The following ARHGEF10 variants were observed in gnomAD, a reference collection of about 807,000 sequenced individuals.
ARHGEF10 encodes Rho guanine nucleotide exchange factor (GEF) 10.
ARHGEF10 carries 140 observed loss-of-function variants against 147.4 expected under a neutral mutation model. The ratio of observed to expected loss-of-function variants is 0.95; its 90% CI spans 0.83 to 1.09. ARHGEF10 has a LOEUF of 1.09. Among genes scored for constraint, ARHGEF10 ranks in the 50% least tolerant of loss-of-function variants. The pLI, the probability that ARHGEF10 is intolerant of heterozygous loss-of-function variation, is 0.00. For missense variants in ARHGEF10, 2,222 were observed against 1,752.7 expected (o/e 1.27, Z -4.78); for synonymous variants, 902 against 695.8 (o/e 1.30, Z -4.67).
chr8:1,920,988 G>A (rs1322027967), intron 18 of ARHGEF10, among the ~76,000 whole-genome samples: 1 of 152,182 alleles, frequency 6.6e-6, no homozygotes, highest in Non-Finnish European at 1.5e-5. Context: ...GTTTCTCCAT[G>A]TTGATCAGGC....
chr8:1,901,890 TA>T (rs1468487512), intron 15 of ARHGEF10, among the ~76,000 whole-genome samples: 1 of 152,174 alleles, frequency 6.6e-6, no homozygotes, highest in African/African-American at 2.4e-5. Flanking sequence ...TTCCAGATTT[TA>T]AAAAAAGGTT....
At chr8:1,932,734 A>G (rs1356916488) in intron 25 of ARHGEF10, among the ~76,000 whole-genome samples, 1 of 152,260 alleles carries the variant, frequency 6.6e-6, no homozygotes, top group Non-Finnish European at 1.5e-5. Flanking sequence ...CAGAGCTTGC[A>G]TAGTTGCCTT....
intron 26 of ARHGEF10, among the ~76,000 whole-genome samples, chr8:1,935,639 G>A (rs1430255050): frequency 1.3e-5 from 2 of 152,204 alleles, no homozygotes; most frequent in Admixed American, 6.5e-5. Flanking sequence ...GGCTCATAAC[G>A]TCTTCCTGGC....
chr8:1,841,162 C>G (rs1481832721), intron 1 of ARHGEF10, among the ~76,000 whole-genome samples: 1 of 152,122 alleles, frequency 6.6e-6, no homozygotes, highest in East Asian at 1.9e-4. Context: ...GGGTGAGTGT[C>G]TCAAGTCTCC....
At chr8:1,847,363 G>A (rs879414696) in intron 2 of ARHGEF10, among the ~76,000 whole-genome samples, 1 of 152,232 alleles carries the variant, frequency 6.6e-6, no homozygotes, top group Admixed American at 6.5e-5. Flanking sequence ...TTCAGAAGAT[G>A]ATCTGGGATT....
At chr8:1,863,761 C>T (rs765342910) in intron 4 of ARHGEF10, among the ~76,000 whole-genome samples, 48 of 152,186 alleles carry the variant, frequency 3.2e-4, no homozygotes, top group Non-Finnish European at 5.7e-4. Context: ...ACCTGCACTG[C>T]GGCTTTGCTC....
chr8:1,850,169 G>C (rs143086999), intron 2 of ARHGEF10, among the ~76,000 whole-genome samples: 3,938 of 94,518 alleles, frequency 0.042, 270 homozygotes, highest in Non-Finnish European at 0.065. Flanking sequence ...TGGACACAGA[G>C]GGCAAATGCT....
chr8:1,869,589 T>A, intron 7 of ARHGEF10: 1 of 438,210 alleles, frequency 2.3e-6, no homozygotes, highest in Non-Finnish European at 4.2e-6. Context: ...GTAGAGAGAA[T>A]CAGGCAAAGG....
intron 28 of ARHGEF10, among the ~76,000 whole-genome samples, chr8:1,956,134 A>G (rs895664753): frequency 6.6e-6 from 1 of 152,264 alleles, no homozygotes; most frequent in Non-Finnish European, 1.5e-5. Context: ...TGATGCTTAC[A>G]GAATCAGTGT....
chr8:1,935,219 C>T (rs1202667604), intron 26 of ARHGEF10, among the ~76,000 whole-genome samples: 7 of 152,054 alleles, frequency 4.6e-5, no homozygotes, highest in Non-Finnish European at 5.9e-5. Flanking sequence ...ACACCCCCCA[C>T]AACCCCCCAT....
Position 1,882,664 on chromosome 8 carries a change from C to T in ARHGEF10, c.990C>T (p.Asp330=), listed in dbSNP as rs372309933. ...AGAAGCTCGTGAAGGCCGCGAAGGA[C>T]GGCACCAAGGACGGGCTGGAGAGGA... is the stretch of plus-strand genomic sequence containing the variant. ...KMQKLVKAAK[D]GTKDGLERTR... is the part of the protein sequence containing the mutation. Residue 330 remains aspartate (D), a synonymous_variant, in exon 10 of 29, where the codon GAC becomes GAT. Transcript: ENST00000349830. The T allele has an allele frequency of 1.8e-5, 28 of 1,555,570 alleles. No homozygotes were observed. The highest frequency in any genetic ancestry group is 1.7e-4 in the Middle Eastern group (1 of 6,018).
At chr8:1,935,773 G>A (rs546913697) in intron 26 of ARHGEF10, among the ~76,000 whole-genome samples, 2 of 152,358 alleles carry the variant, frequency 1.3e-5, no homozygotes, top group Middle Eastern at 3.4e-3. Flanking sequence ...GTGCATGGGA[G>A]GAGCTGGGGA....
chr8:1,842,484 C>A (rs2129050678), intron 1 of ARHGEF10, among the ~76,000 whole-genome samples: 1 of 152,326 alleles, frequency 6.6e-6, no homozygotes. Context: ...GGGCATGGGC[C>A]CGCCTGGCCT....
chr8:1,922,751 C>G (rs1812393533), intron 18 of ARHGEF10, among the ~76,000 whole-genome samples: 1 of 152,160 alleles, frequency 6.6e-6, no homozygotes. Flanking sequence ...CAGGAGGCAG[C>G]TCTTTGCAAC....
chr8:1,841,075 G>A (rs1803994546), intron 1 of ARHGEF10, among the ~76,000 whole-genome samples: 1 of 152,094 alleles, frequency 6.6e-6, no homozygotes, highest in Admixed American at 6.5e-5. Flanking sequence ...GCCTAGGCTG[G>A]GCTCTGGGTG....
chr8:1,940,078 A>G (rs958918834), intron 26 of ARHGEF10, among the ~76,000 whole-genome samples: 7 of 152,260 alleles, frequency 4.6e-5, no homozygotes, highest in Non-Finnish European at 8.8e-5. Context: ...TAAAAACTCC[A>G]TGGGTTTGGT....
intron 27 of ARHGEF10, among the ~76,000 whole-genome samples, chr8:1,947,273 C>T (rs1015624731): frequency 6.6e-6 from 1 of 152,200 alleles, no homozygotes; most frequent in Non-Finnish European, 1.5e-5. Flanking sequence ...CCCGTGGGCT[C>T]CAGCACCCGA....
intron 13 of ARHGEF10, among the ~76,000 whole-genome samples, chr8:1,895,046 C>T (rs1330190719): frequency 6.6e-6 from 1 of 152,216 alleles, no homozygotes; most frequent in African/African-American, 2.4e-5. Flanking sequence ...TAGATGTTTT[C>T]TCAAACTTTT....
intron 11 of ARHGEF10, among the ~76,000 whole-genome samples, chr8:1,887,534 C>T (rs1024299329): frequency 5.3e-5 from 7 of 131,224 alleles, no homozygotes; most frequent in African/African-American, 9.1e-5. Flanking sequence ...GTGAGGGATA[C>T]GTGAGGAAAC....
Sources: gnomAD v4.1 joint callset for allele counts (sites outside exome capture counted in the v4.1 genomes callset) on GRCh38, gnomAD v4.1.1 for gene constraint, MANE v1.5 for transcripts, NCBI Gene and HGNC (gene_info 2026-07-23, HGNC 2026-07-21) for gene names.